Variants in ELMO1 observed in about 807,000 individuals in gnomAD.
ELMO1 encodes engulfment and cell motility 1.
In ELMO1, 26 loss-of-function variants were observed where a neutral mutation model predicts 98.9. The ratio of observed to expected loss-of-function variants is 0.26; its 90% CI spans 0.19 to 0.36. The LOEUF is 0.36. Ranked by LOEUF, ELMO1 falls within the 10% of genes least tolerant of loss-of-function variation. The pLI is 1.00. For synonymous variants in ELMO1, 346 were observed against 346.0 expected (o/e 1.00, Z 0.00); for missense variants, 627 against 935.2 (o/e 0.67, Z 4.30).
chr7:37,439,442 G>A (rs1805302433), intron 1 of ELMO1, among the ~76,000 whole-genome samples: 1 of 152,120 alleles, frequency 6.6e-6, no homozygotes, highest in South Asian at 2.1e-4. Context: ...CATACCTTTA[G>A]CATACTGTTA....
At chr7:36,924,509 C>T (rs1024908675) in intron 16 of ELMO1, among the ~76,000 whole-genome samples, 3 of 152,216 alleles carry the variant, frequency 2.0e-5, no homozygotes. Context: ...GTCCTCTTAG[C>T]ACTGCCTTTA....
intron 16 of ELMO1, among the ~76,000 whole-genome samples, chr7:36,929,301 C>T (rs145792092): frequency 5.3e-5 from 8 of 152,304 alleles, no homozygotes; most frequent in Admixed American, 2.0e-4. Flanking sequence ...GCAAGTGCTG[C>T]CACCTCCTCT....
chr7:36,874,439 T>C (rs1034843147), intron 19 of ELMO1, among the ~76,000 whole-genome samples: 28 of 152,254 alleles, frequency 1.8e-4, no homozygotes, highest in African/African-American at 6.8e-4. Flanking sequence ...TTGTTGAGAA[T>C]AATTTATGTA....
intron 7 of ELMO1, among the ~76,000 whole-genome samples, chr7:37,239,367 A>T (rs748061525): frequency 3.9e-5 from 6 of 152,172 alleles, no homozygotes; most frequent in African/African-American, 1.4e-4. Flanking sequence ...GGGTTTCACC[A>T]TCTTGGCCAG....
intron 9 of ELMO1, among the ~76,000 whole-genome samples, chr7:37,223,919 C>T (rs1793727674): frequency 6.6e-6 from 1 of 152,156 alleles, no homozygotes; most frequent in Non-Finnish European, 1.5e-5. Context: ...CACCACCAAC[C>T]CAAATGGGCC....
chr7:36,863,802 C>T (rs1426254515), intron 20 of ELMO1, among the ~76,000 whole-genome samples: 2 of 152,154 alleles, frequency 1.3e-5, no homozygotes, highest in Admixed American at 6.5e-5. Context: ...GGTCATAGGT[C>T]ATTATCTCTT....
intron 1 of ELMO1, among the ~76,000 whole-genome samples, chr7:37,410,318 A>G (rs145230216): frequency 7.9e-4 from 120 of 152,370 alleles, no homozygotes; most frequent in African/African-American, 2.8e-3. Context: ...TCTCCTTGAA[A>G]GAAAAAAACA....
chr7:37,025,895 T>TTCTTTCTATCTA (rs140586332), intron 15 of ELMO1, among the ~76,000 whole-genome samples: 4 of 142,920 alleles, frequency 2.8e-5, no homozygotes, highest in Non-Finnish European at 4.5e-5. Context: ...ATATTATATA[T>TTCTTTCTATCTA]TCTATCTATC....
intron 2 of ELMO1, among the ~76,000 whole-genome samples, chr7:37,328,347 C>G (rs1799924900): frequency 1.5e-5 from 2 of 133,916 alleles, no homozygotes. Context: ...CATGCCACTG[C>G]ACTCCAGCTC....
intron 14 of ELMO1, among the ~76,000 whole-genome samples, chr7:37,116,605 C>T (rs1178833019): frequency 6.6e-6 from 1 of 151,742 alleles, no homozygotes; most frequent in Non-Finnish European, 1.5e-5. Context: ...GTTCACTATA[C>T]AGCTTAGCTT....
chr7:37,298,285 T>TTA (rs1798156355), intron 4 of ELMO1, among the ~76,000 whole-genome samples: 1 of 39,038 alleles, frequency 2.6e-5, no homozygotes, highest in African/African-American at 8.1e-5. Flanking sequence ...GAAGTTTTTT[T>TTA]TGTTTTTTTT....
intron 15 of ELMO1, among the ~76,000 whole-genome samples, chr7:37,074,360 T>C (rs1161078688): frequency 3.3e-5 from 5 of 152,144 alleles, no homozygotes; most frequent in African/African-American, 4.8e-5. Flanking sequence ...TCTAGAGAAC[T>C]ACTCTTTGCT....
At chr7:37,361,894 G>A (rs1439047055) in intron 1 of ELMO1, among the ~76,000 whole-genome samples, 1 of 152,162 alleles carries the variant, frequency 6.6e-6, no homozygotes, top group Non-Finnish European at 1.5e-5. Flanking sequence ...CCCAGGAGGT[G>A]GAGGTTGCAG....
chr7:36,895,950 A>C (rs1292823922), intron 16 of ELMO1, among the ~76,000 whole-genome samples: 1 of 152,208 alleles, frequency 6.6e-6, no homozygotes, highest in East Asian at 1.9e-4. Context: ...TCCACTTTAC[A>C]TATGAAGAAA....
chr7:37,295,058 G>T (rs1797963058), intron 4 of ELMO1, among the ~76,000 whole-genome samples: 1 of 150,996 alleles, frequency 6.6e-6, no homozygotes, highest in South Asian at 2.1e-4. Flanking sequence ...AAATGCAAAA[G>T]TTACCTAGAG....
chr7:37,120,855 C>A (rs1249706882), intron 14 of ELMO1, among the ~76,000 whole-genome samples: 5 of 152,146 alleles, frequency 3.3e-5, no homozygotes, highest in Admixed American at 6.5e-5. Context: ...CCCTAAGTAG[C>A]CTAACTGGGA....
chr7:36,860,787 C>T (rs938018841), intron 21 of ELMO1, among the ~76,000 whole-genome samples: 11 of 152,200 alleles, frequency 7.2e-5, no homozygotes, highest in African/African-American at 2.2e-4. Flanking sequence ...TATTTAAGCA[C>T]CGTTCTAAAT....
chr7:36,960,204 C>G (rs1340301465), intron 16 of ELMO1, among the ~76,000 whole-genome samples: 1 of 152,172 alleles, frequency 6.6e-6, no homozygotes, highest in African/African-American at 2.4e-5. Flanking sequence ...TGCCCCCACA[C>G]AGGTAATAAC....
At chr7:37,086,008 A>C (rs1783746633) in intron 15 of ELMO1, among the ~76,000 whole-genome samples, 1 of 152,244 alleles carries the variant, frequency 6.6e-6, no homozygotes, top group African/African-American at 2.4e-5. Context: ...CCCTGACAGC[A>C]ACACCGTTGA....
Sources: allele counts gnomAD v4.1 joint callset (sites outside exome capture counted in the v4.1 genomes callset), GRCh38; gene constraint gnomAD v4.1.1; transcripts MANE v1.5; gene names NCBI Gene and HGNC (gene_info 2026-07-23, HGNC 2026-07-21).